The following ZFPM2 variants were observed in gnomAD, a reference collection of about 807,000 sequenced individuals.
The protein encoded by ZFPM2 is zinc finger protein ZFPM2.
Under a neutral mutation model 98.6 loss-of-function variants are expected in ZFPM2, and 20 were observed. The ratio of observed to expected loss-of-function variants is 0.20; its 90% CI spans 0.14 to 0.29. The LOEUF is 0.29. Ranked by LOEUF, ZFPM2 falls within the 10% of genes least tolerant of loss-of-function variation. The pLI is 1.00. For missense variants in ZFPM2, 1,310 were observed against 1,388.6 expected, an observed-to-expected ratio of 0.94 and a Z score of 0.90; for synonymous variants, 518 against 502.7, an observed-to-expected ratio of 1.03 and a Z score of -0.41.
chr8:105,594,976 T>A (rs1175880908), intron 4 of ZFPM2, among the ~76,000 whole-genome samples: 1 of 152,116 alleles, frequency 6.6e-6, no homozygotes, highest in African/African-American at 2.4e-5. Flanking sequence ...TAAAAGTTGT[T>A]TCTTTTTATA....
At chr8:105,351,037 G>A (rs1812631172) in intron 1 of ZFPM2, among the ~76,000 whole-genome samples, 1 of 151,896 alleles carries the variant, frequency 6.6e-6, no homozygotes, top group Admixed American at 6.6e-5. Context: ...ACGAAAATTA[G>A]TCAGGTGTGG....
At chr8:105,589,772 G>T (rs183643426) in intron 4 of ZFPM2, among the ~76,000 whole-genome samples, 1 of 152,230 alleles carries the variant, frequency 6.6e-6, no homozygotes, top group African/African-American at 2.4e-5. Flanking sequence ...AGGCTGGAGT[G>T]CAGTGGCTCA....
chr8:105,540,601 T>C (rs73697380), intron 3 of ZFPM2, among the ~76,000 whole-genome samples: 1 of 152,268 alleles, frequency 6.6e-6, no homozygotes, highest in African/African-American at 2.4e-5. Context: ...GATTTAATCC[T>C]CTCCATAAAA....
Position 105,634,248 on chromosome 8 carries a change from G to T in ZFPM2, c.423G>T (p.Lys141Asn), listed in dbSNP as rs1167230345. 1 of 1,610,594 alleles carries T rather than the reference G, an allele frequency of 6.2e-7. No homozygotes were observed. The highest frequency in any genetic ancestry group is 1.3e-5 in the African/African-American group (1 of 74,868). Residue 141 changes from lysine to asparagine, a missense_variant and splice_region_variant, in exon 5 of 8, where the codon AAG becomes AAT. Transcript: ENST00000407775. ...GTTTGTTATCATTCTTTCTACAGAA[G>T]ACAAAGGCTCAGGTCCCAATGGTGC... ...GKMDLNNNSLKTKAQVPMVLT... is the reference protein window; with the variant it reads ...GKMDLNNNSLNTKAQVPMVLT...
chr8:105,672,121 G>A (rs114937649), intron 5 of ZFPM2, among the ~76,000 whole-genome samples: 6,727 of 151,954 alleles, frequency 0.044, 181 homozygotes, highest in Middle Eastern at 0.13. Flanking sequence ...CTATACATTT[G>A]TTATTTCTTA....
At chr8:105,502,881 C>T (rs1813625632) in intron 3 of ZFPM2, among the ~76,000 whole-genome samples, 1 of 152,138 alleles carries the variant, frequency 6.6e-6, no homozygotes, top group East Asian at 1.9e-4. Flanking sequence ...TACTAGTCAT[C>T]ATCCACAGGG....
At chr8:105,672,091 G>A (rs1444165519) in intron 5 of ZFPM2, among the ~76,000 whole-genome samples, 1 of 152,016 alleles carries the variant, frequency 6.6e-6, no homozygotes, top group Non-Finnish European at 1.5e-5. Flanking sequence ...TCTAGACTTT[G>A]TAACAATAGT....
chr8:105,653,895 C>G (rs1169749312), intron 5 of ZFPM2, among the ~76,000 whole-genome samples: 1 of 85,810 alleles, frequency 1.2e-5, no homozygotes, highest in Non-Finnish European at 2.4e-5. Flanking sequence ...TTTGGCACTC[C>G]CTCTCATTCC....
intron 5 of ZFPM2, among the ~76,000 whole-genome samples, chr8:105,664,649 G>C (rs567421003): frequency 6.6e-6 from 1 of 152,224 alleles, no homozygotes; most frequent in Non-Finnish European, 1.5e-5. Context: ...AATTCTTTAA[G>C]TATTGGTATA....
At chr8:105,710,743 A>T (rs1322262792) in intron 5 of ZFPM2, among the ~76,000 whole-genome samples, 1 of 151,274 alleles carries the variant, frequency 6.6e-6, no homozygotes, top group Non-Finnish European at 1.5e-5. Context: ...AGTGGTTATT[A>T]GAGCTGACTT....
At chr8:105,516,298 G>T (rs1813920812) in intron 3 of ZFPM2, among the ~76,000 whole-genome samples, 1 of 152,150 alleles carries the variant, frequency 6.6e-6, no homozygotes, top group African/African-American at 2.4e-5. Flanking sequence ...CAGTCAATTT[G>T]TCTTAAGCCA....
At chr8:105,422,896 C>A (rs1224900425) in intron 2 of ZFPM2, among the ~76,000 whole-genome samples, 1 of 152,112 alleles carries the variant, frequency 6.6e-6, no homozygotes, top group African/African-American at 2.4e-5. Flanking sequence ...GAAGACATAG[C>A]TTATTATAAA....
chr8:105,405,141 A>G (rs774233933), intron 1 of ZFPM2, among the ~76,000 whole-genome samples: 2 of 152,074 alleles, frequency 1.3e-5, no homozygotes, highest in Non-Finnish European at 2.9e-5. Context: ...CAAGTTTTCT[A>G]TTGGGGGATA....
Position 105,318,498 on chromosome 8 carries a change from C to T in ZFPM2, c.-444C>T, listed in dbSNP as rs1424046392. 6.7e-6 allele frequency among the ~76,000 whole-genome samples: 1 copy of T among 148,744 alleles called. No homozygotes were observed. The highest frequency in any genetic ancestry group is 2.1e-4 in the South Asian group (1 of 4,692). ...GGCGCCGGAGTATCCGTCCCGCACGCCGGGGCGAGGGGCGAGCGAGCGCGC... is the reference window on the plus strand; with the variant it reads ...GGCGCCGGAGTATCCGTCCCGCACGTCGGGGCGAGGGGCGAGCGAGCGCGC... On this transcript the variant is annotated 5_prime_UTR_variant, in exon 1 of 8. Transcript: ENST00000407775.
chr8:105,422,359 A>G (rs1329117621), intron 2 of ZFPM2, among the ~76,000 whole-genome samples: 1 of 151,894 alleles, frequency 6.6e-6, no homozygotes, highest in Non-Finnish European at 1.5e-5. Context: ...AATTGCTTGA[A>G]CCCGGGAGGT....
intron 4 of ZFPM2, among the ~76,000 whole-genome samples, chr8:105,623,104 A>C (rs1009133320): frequency 6.6e-6 from 1 of 152,202 alleles, no homozygotes; most frequent in African/African-American, 2.4e-5. Flanking sequence ...CAGATTAGAT[A>C]AGCTTTGTTC....
intron 1 of ZFPM2, chr8:105,319,868 A>C (rs1185301793): frequency 6.6e-6 from 1 of 152,214 alleles, no homozygotes; most frequent in Non-Finnish European, 1.5e-5. Flanking sequence ...CTTCCGAAAC[A>C]GGCACGCTCG....
At chr8:105,410,918 G>GA (rs1004908016) in intron 1 of ZFPM2, among the ~76,000 whole-genome samples, 4 of 150,896 alleles carry the variant, frequency 2.7e-5, no homozygotes, top group East Asian at 1.9e-4. Context: ...TCACTTTGGG[G>GA]AAAAAAAAAT....
intron 5 of ZFPM2, among the ~76,000 whole-genome samples, chr8:105,724,622 A>C (rs1811762123): frequency 6.6e-6 from 1 of 151,888 alleles, no homozygotes; most frequent in East Asian, 1.9e-4. Flanking sequence ...AGCAATAGGA[A>C]GTGGAAACAA....
Sources: allele counts gnomAD v4.1 joint callset (sites outside exome capture counted in the v4.1 genomes callset), GRCh38; gene constraint gnomAD v4.1.1; transcripts MANE v1.5; gene names NCBI Gene and HGNC (gene_info 2026-07-23, HGNC 2026-07-21).